The following FAM81A variants were observed in gnomAD, a reference collection of about 807,000 sequenced individuals.
FAM81A encodes the protein protein FAM81A.
A neutral mutation model predicts 46.7 loss-of-function variants in FAM81A; 19 were observed. The ratio of observed to expected loss-of-function variants is 0.41; its 90% confidence interval spans 0.28 to 0.60. The LOEUF (loss-of-function observed/expected upper bound fraction) is 0.60, where lower values mean the gene tolerates loss of function less well. Ranked by LOEUF, FAM81A falls within the 20% of genes least tolerant of loss-of-function variation. The pLI is 0.34. For synonymous variants in FAM81A, 183 were observed against 152.9 expected, an observed-to-expected ratio of 1.20 and a Z score of -1.45; for missense variants, 377 against 453.5, an observed-to-expected ratio of 0.83 and a Z score of 1.53.
intron 3 of FAM81A, among the ~76,000 whole-genome samples, chr15:59,485,520 A>G (rs1452162242): frequency 6.6e-6 from 1 of 152,270 alleles, no homozygotes; most frequent in Admixed American, 6.5e-5. Flanking sequence ...CCACCAAGGT[A>G]GTACTTCTAC....
At chr15:59,409,366 C>G (rs2081110602) in intron 2 of FAM81A, among the ~76,000 whole-genome samples, 1 of 152,146 alleles carries the variant, frequency 6.6e-6, no homozygotes, top group Non-Finnish European at 1.5e-5. Context: ...GATCACCGTC[C>G]CTGTCCCTCT....
intron 3 of FAM81A, among the ~76,000 whole-genome samples, chr15:59,466,156 C>T (rs1036088753): frequency 6.6e-6 from 1 of 152,186 alleles, no homozygotes; most frequent in African/African-American, 2.4e-5. Flanking sequence ...CTGAATAGTG[C>T]TGCAATAAAC....
intron 1 of FAM81A, among the ~76,000 whole-genome samples, chr15:59,456,278 A>G (rs2081482489): frequency 7.1e-6 from 1 of 140,158 alleles, no homozygotes; most frequent in Non-Finnish European, 1.6e-5. Flanking sequence ...ACGGTGGTGG[A>G]TGGGGTGGCG....
At chr15:59,416,705 G>A (rs974805776) in intron 2 of FAM81A, among the ~76,000 whole-genome samples, 1 of 152,064 alleles carries the variant, frequency 6.6e-6, no homozygotes, top group Admixed American at 6.5e-5. Context: ...TATTTATCAT[G>A]TGCCGGGCAC....
intron 4 of FAM81A, among the ~76,000 whole-genome samples, chr15:59,498,153 A>G (rs894739180): frequency 1.3e-5 from 2 of 152,170 alleles, no homozygotes; most frequent in Non-Finnish European, 2.9e-5. Context: ...CCTGGCCCCA[A>G]AATTCAGTAT....
intron 2 of FAM81A, among the ~76,000 whole-genome samples, chr15:59,409,751 T>C (rs2081112488): frequency 6.6e-6 from 1 of 152,220 alleles, no homozygotes. Flanking sequence ...TGCTATACTC[T>C]GAACGTTTTA....
chr15:59,433,927 C>G (rs149919312), upstream of FAM81A, among the ~76,000 whole-genome samples: 233 of 152,284 alleles, frequency 1.5e-3, 1 homozygote, highest in African/African-American at 5.4e-3. Flanking sequence ...GCGATCTAGG[C>G]TCACTACACC....
At chr15:59,409,563 C>T (rs1258626741) in intron 2 of FAM81A, among the ~76,000 whole-genome samples, 2 of 152,178 alleles carry the variant, frequency 1.3e-5, no homozygotes, top group African/African-American at 4.8e-5. Flanking sequence ...GTTCTCCTCT[C>T]CTTTCCCCAC....
At chr15:59,514,268 C>T in intron 6 of FAM81A, 21 bp from the exon 7 acceptor site, 1 of 1,551,722 alleles carries the variant, frequency 6.4e-7, no homozygotes, top group Non-Finnish European at 8.7e-7. Flanking sequence ...TTACATCTAA[C>T]TTGCAATTTT....
At chr15:59,489,311 A>ATACG (rs1327413978) in intron 3 of FAM81A, among the ~76,000 whole-genome samples, 13 of 145,518 alleles carry the variant, frequency 8.9e-5, no homozygotes, top group Non-Finnish European at 1.1e-4. Flanking sequence ...ACATACATAC[A>ATACG]TATATACATA....
intron 3 of FAM81A, among the ~76,000 whole-genome samples, chr15:59,487,832 A>G (rs1406731011): frequency 6.6e-6 from 1 of 152,194 alleles, no homozygotes; most frequent in Non-Finnish European, 1.5e-5. Context: ...TTTAAAGAGA[A>G]TTAATAGCAA....
At chr15:59,478,470 C>T (rs1328416776) in intron 3 of FAM81A, among the ~76,000 whole-genome samples, 5 of 152,130 alleles carry the variant, frequency 3.3e-5, no homozygotes, top group Admixed American at 2.0e-4. Context: ...AACATGTAGT[C>T]GGACTAACAT....
chr15:59,483,707 A>C (rs1431952591), intron 3 of FAM81A, among the ~76,000 whole-genome samples: 1 of 152,156 alleles, frequency 6.6e-6, no homozygotes, highest in Non-Finnish European at 1.5e-5. Flanking sequence ...AAGGCAAGAG[A>C]AGATGGTGGT....
intron 1 of FAM81A, among the ~76,000 whole-genome samples, chr15:59,448,989 G>A (rs2081383748): frequency 1.3e-5 from 2 of 152,130 alleles, no homozygotes; most frequent in South Asian, 4.2e-4. Flanking sequence ...TCTTTTGAGT[G>A]GATGTGCTGT....
rs1002268130 is a variant in FAM81A, at chr15:59,496,750, T to C, written c.413+4361T>C. ...TATAGCTTTGTGGTACATTTTGAAA[T>C]TGAGAAGTGTGAGTCCTCCAACTTC... is the stretch of plus-strand genomic sequence containing the variant. On this transcript the variant is annotated intron_variant, in intron 4 of 8. Coordinates refer to ENST00000288228, the MANE Select transcript of FAM81A (RefSeq NM_152450.3). Among the ~76,000 whole-genome samples, 9 of 152,252 alleles carry C rather than the reference T, an allele frequency of 5.9e-5. 1 individual carries two copies. The highest frequency in any genetic ancestry group is 4.1e-4 in the South Asian group (2 of 4,836).
At chr15:59,453,303 A>G (rs1297061330) in intron 1 of FAM81A, among the ~76,000 whole-genome samples, 1 of 152,220 alleles carries the variant, frequency 6.6e-6, no homozygotes, top group Admixed American at 6.5e-5. Context: ...CAGTTGCTGA[A>G]CATTTCTAAG....
intron 2 of FAM81A, among the ~76,000 whole-genome samples, chr15:59,404,152 G>A (rs2081084316): frequency 6.6e-6 from 1 of 152,050 alleles, no homozygotes; most frequent in Admixed American, 6.5e-5. Context: ...AAAGTGCTGG[G>A]ATTACAGGCC....
chr15:59,416,554 A>G (rs902734189), intron 2 of FAM81A, among the ~76,000 whole-genome samples: 1 of 152,200 alleles, frequency 6.6e-6, no homozygotes, highest in Non-Finnish European at 1.5e-5. Context: ...CACAGCTGTG[A>G]GTGAACTCAA....
intron 3 of FAM81A, among the ~76,000 whole-genome samples, chr15:59,462,176 C>G (rs2081559763): frequency 2.0e-5 from 3 of 147,896 alleles, no homozygotes; most frequent in Non-Finnish European, 4.4e-5. Context: ...GCCCTCCAGC[C>G]TGGGCGACAG....
Sources: allele counts gnomAD v4.1 joint callset (sites outside exome capture counted in the v4.1 genomes callset), GRCh38; gene constraint gnomAD v4.1.1; transcripts MANE v1.5; gene names NCBI Gene and HGNC (gene_info 2026-07-23, HGNC 2026-07-21).